Variants in CCNF observed in about 807,000 individuals in gnomAD.
CCNF encodes the protein cyclin-F.
Under a neutral mutation model 85.4 loss-of-function variants are expected in CCNF, and 30 were observed. The observed-to-expected ratio is 0.35, with a 90% CI of 0.26 to 0.48. The LOEUF (loss-of-function observed/expected upper bound fraction) is 0.48, where lower values mean the gene tolerates loss of function less well. Among genes scored for constraint, CCNF ranks in the 20% least tolerant of loss-of-function variants. The pLI, the probability that CCNF is intolerant of heterozygous loss-of-function variation, is 0.99. For missense variants in CCNF, 919 were observed against 1,010.4 expected (o/e 0.91, Z 1.23); for synonymous variants, 439 against 425.1 (o/e 1.03, Z -0.40).
In CCNF at chr16:2,445,482, G is replaced by A. The variant is rs2065356600; in HGVS notation, c.954G>A (p.Val318=). The change falls in exon 10 of 17, where the codon GTG becomes GTA. Residue 318 remains valine, a synonymous_variant. Coordinates refer to ENST00000397066, the MANE Select transcript of CCNF (RefSeq NM_001761.3). ...TMRYILIDWL[V]EVATMKDFTS... The stretch of plus-strand genomic sequence containing the variant: ...GGTACATTCTGATCGACTGGCTGGT[G>A]GAAGTTGCCACCATGAAGGACTTCA... 2 of 1,613,964 alleles carry A rather than the reference G, an allele frequency of 1.2e-6. No individual in the cohort carries two copies. Among genetic ancestry groups the A allele is most frequent in the Admixed American group, 1.7e-5 (1 of 60,012 alleles).
At chr16:2,454,209 G>C (rs560852953) in intron 15 of CCNF, among the ~76,000 whole-genome samples, 5 of 152,196 alleles carry the variant, frequency 3.3e-5, no homozygotes, top group African/African-American at 9.7e-5. Flanking sequence ...GCGTTGTGTC[G>C]GGAGTGGGCT....
chr16:2,446,569 T>C (rs1207648207), intron 10 of CCNF, among the ~76,000 whole-genome samples: 3 of 152,262 alleles, frequency 2.0e-5, no homozygotes, highest in Non-Finnish European at 4.4e-5. Context: ...CTAAACCAGC[T>C]GTCCCCAGCA....
chr16:2,436,799 A>G, intron 4 of CCNF: 1 of 212,440 alleles, frequency 4.7e-6, no homozygotes, highest in Non-Finnish European at 9.3e-6. Flanking sequence ...CCCTGGACCC[A>G]TTACCAGGGG....
intron 3 of CCNF, among the ~76,000 whole-genome samples, chr16:2,434,028 C>A (rs2065275418): frequency 6.6e-6 from 1 of 152,190 alleles, no homozygotes; most frequent in South Asian, 2.1e-4. Context: ...TATAACTCAG[C>A]CGGGTGTGGC....
At position 2,458,852 on chromosome 16, in the gene CCNF, G is replaced by C. The variant is rs1464249636; in HGVS notation, c.*1832G>C. On this transcript the variant is annotated 3_prime_UTR_variant, in exon 17 of 17. Transcript: ENST00000397066. ...AGGATTAAATGTGAGGAGGATAGTG[G>C]CAGATGAGTGATGGACGTCCTTCAC... The C allele has an allele frequency of 1.3e-5, 2 of 152,166 alleles. No individual in the cohort carries two copies. The highest frequency in any genetic ancestry group is 4.8e-5 in the African/African-American group (2 of 41,422). 9.4% of individuals were successfully genotyped at this position (152,166 alleles called of 1,614,324 possible). A position where few individuals can be genotyped will look rare whatever the true frequency, so the allele number is the denominator to read the frequency against.
chr16:2,448,014 C>T (rs2065371600), intron 10 of CCNF, among the ~76,000 whole-genome samples: 1 of 152,238 alleles, frequency 6.6e-6, no homozygotes, highest in African/African-American at 2.4e-5. Context: ...GGGGAAGGTG[C>T]CTTGCGGGGG....
Position 2,457,075 on chromosome 16 carries a change from G to C in CCNF, c.*55G>C, listed in dbSNP as rs1450686461. On this transcript the variant is annotated 3_prime_UTR_variant, in exon 17 of 17. Coordinates refer to ENST00000397066, the MANE Select transcript of CCNF (RefSeq NM_001761.3). ...TGTACTGAGGGGGCTGGAGGCGAAG[G>C]GTGGGAGCATAGCATAGGAACGCTG... 13 of 1,331,686 alleles carry C rather than the reference G, an allele frequency of 9.8e-6. No homozygotes were observed. Among genetic ancestry groups the C allele is most frequent in the South Asian group, 1.4e-5 (1 of 71,666 alleles). 82.5% of individuals were successfully genotyped at this position (1,331,686 alleles called of 1,614,324 possible). A position where few individuals can be genotyped will look rare whatever the true frequency, so the allele number is the denominator to read the frequency against.
intron 12 of CCNF, 43 bp from the exon 13 acceptor site, chr16:2,449,785 G>GTCCCCCCCC (rs1555498037): frequency 1.4e-5 from 9 of 654,570 alleles, no homozygotes; most frequent in South Asian, 3.0e-5. Flanking sequence ...CATCCCCTCC[G>GTCCCCCCCC]TCCCCTCCAT....
In CCNF at chr16:2,453,552, G is replaced by T; in HGVS notation, c.1715+15G>T. The T allele has an allele frequency of 1.2e-6, 2 of 1,613,662 alleles. No individual in the cohort carries two copies. Among genetic ancestry groups the T allele is most frequent in the Middle Eastern group, 1.6e-4 (1 of 6,062 alleles). On this transcript the variant is annotated intron_variant, in intron 15 of 16. Transcript: ENST00000397066. The surrounding 1 kb of genome is among the most constrained non-coding windows in gnomAD (Gnocchi z 5.6). ...AGAACCAAACGGTTAGTTACCCTGC[G>T]TTCTGGCTGCGCCATACAATGCTGG...
rs1033236882 is a variant in CCNF, at chr16:2,453,677, C to T, written c.1715+140C>T. The T allele has an allele frequency of 5.3e-5, 59 of 1,117,412 alleles. No individual in the cohort carries two copies. Among genetic ancestry groups the T allele is most frequent in the Admixed American group, 3.8e-4 (18 of 47,994 alleles). 69.2% of individuals were successfully genotyped at this position (1,117,412 alleles called of 1,614,324 possible). On this transcript the variant is annotated intron_variant, in intron 15 of 16. Coordinates refer to ENST00000397066, the MANE Select transcript of CCNF (RefSeq NM_001761.3). This position sits in a 1 kb window ranked among gnomAD's most constrained non-coding sequence, Gnocchi z 5.6. ...AGATCCCAGGACAGTGACCCTGGGA[C>T]GGAGCCCTGCAGTCATGCCTCGGGC...
intron 10 of CCNF, among the ~76,000 whole-genome samples, chr16:2,447,311 A>G (rs2065367495): frequency 6.8e-6 from 1 of 147,604 alleles, no homozygotes; most frequent in Non-Finnish European, 1.5e-5. Context: ...GGGACCAGGC[A>G]CGGTGGCTCA....
intron 9 of CCNF, among the ~76,000 whole-genome samples, chr16:2,444,406 TCTCCTGCCTCAGC>T (rs1257912657): frequency 6.8e-6 from 1 of 147,984 alleles, no homozygotes; most frequent in Non-Finnish European, 1.5e-5. Flanking sequence ...TTCACACCAT[TCTCCTGCCTCAGC>T]CTCCTCAGGA....
intron 11 of CCNF, 23 bp from the exon 12 acceptor site, chr16:2,449,259 C>T (rs990842231): frequency 2.9e-5 from 47 of 1,612,850 alleles, no homozygotes; most frequent in Non-Finnish European, 3.4e-5. Flanking sequence ...GCTGAGAGCC[C>T]ACACCCCGTC....
At position 2,453,546 on chromosome 16, in the gene CCNF, C is replaced by T. The variant is rs201692958; in HGVS notation, c.1715+9C>T. On this transcript the variant is annotated intron_variant, in intron 15 of 16. Transcript: ENST00000397066. The surrounding 1 kb of genome is among the most constrained non-coding windows in gnomAD (Gnocchi z 5.6). ...GGGCGGAGAACCAAACGGTTAGTTA[C>T]CCTGCGTTCTGGCTGCGCCATACAA... 62 of 1,613,912 alleles carry T rather than the reference C, an allele frequency of 3.8e-5. No individual in the cohort carries two copies. The African/African-American group carries it at 6.5e-4, about 17-fold the overall frequency.
chr16:2,434,743 C>T lies in CCNF; in HGVS notation c.279-1063C>T, dbSNP rs929694122. Among the ~76,000 whole-genome samples, 45 of 152,350 alleles carry T rather than the reference C, an allele frequency of 3.0e-4. 2 individuals carry two copies. The highest frequency in any genetic ancestry group is 2.5e-3 in the Admixed American group (39 of 15,298). ...TTACCCCAAGAAGAAAGCTTGTCCC[C>T]ATCAGCAGTCACTTCCCATTTTCCC... On this transcript the variant is annotated intron_variant, in intron 3 of 16. Transcript: ENST00000397066.
rs569096312 is a variant in CCNF at position 2,448,840 on chromosome 16, T to C, written c.1095-15T>C. On this transcript the variant is annotated splice_polypyrimidine_tract_variant and intron_variant, in intron 10 of 16. Transcript: ENST00000397066. ...GAAGTGGGCTCCACCCTGAGACCCC[T>C]TCTCGGCGTTGCAGGTTTATCAGTA... is the stretch of plus-strand genomic sequence containing the variant. The C allele has an allele frequency of 2.6e-5, 42 of 1,611,064 alleles. No individual in the cohort carries two copies. The highest frequency in any genetic ancestry group is 3.1e-5 in the Non-Finnish European group (37 of 1,178,064).
intron 1 of CCNF, among the ~76,000 whole-genome samples, chr16:2,429,867 G>A (rs2065254191): frequency 6.6e-6 from 1 of 152,126 alleles, no homozygotes; most frequent in African/African-American, 2.4e-5. Flanking sequence ...GAGCGCGTGG[G>A]GGCGAAGCGA....
intron 3 of CCNF, among the ~76,000 whole-genome samples, chr16:2,435,365 T>A (rs1216100183): frequency 6.6e-6 from 1 of 150,680 alleles, no homozygotes; most frequent in Non-Finnish European, 1.5e-5. Context: ...ATCACTTGGG[T>A]CTGGAATTCA....
intron 8 of CCNF, among the ~76,000 whole-genome samples, chr16:2,442,868 ATATAT>A (rs1416050973): frequency 1.3e-4 from 5 of 38,122 alleles, no homozygotes; most frequent in Admixed American, 5.5e-4. Context: ...ATTATATTAT[ATATAT>A]TATATTATAA....
Sources: allele counts gnomAD v4.1 joint callset (sites outside exome capture counted in the v4.1 genomes callset), GRCh38; gene constraint gnomAD v4.1.1; non-coding constraint Gnocchi (gnomAD v3.1); transcripts MANE v1.5; gene names NCBI Gene and HGNC (gene_info 2026-07-23, HGNC 2026-07-21).